PTPRJ: variants seen among roughly 807,000 people sequenced by gnomAD.
The protein encoded by PTPRJ is receptor-type tyrosine-protein phosphatase eta.
A neutral mutation model predicts 141.3 loss-of-function variants in PTPRJ; 129 were observed. The observed-to-expected ratio is 0.91, with a 90% CI of 0.79 to 1.06. The LOEUF (loss-of-function observed/expected upper bound fraction) is 1.06. Ranked by LOEUF, PTPRJ falls within the 50% of genes least tolerant of loss-of-function variation. PTPRJ has a pLI of 0.00. For synonymous variants in PTPRJ, 610 were observed against 640.5 expected (o/e 0.95, Z 0.72); for missense variants, 1,601 against 1,679.7 (o/e 0.95, Z 0.82).
chr11:48,083,538 A>G (rs1167881819), intron 1 of PTPRJ, among the ~76,000 whole-genome samples: 1 of 152,256 alleles, frequency 6.6e-6, no homozygotes, highest in Non-Finnish European at 1.5e-5. Context: ...CACATCCCAC[A>G]TGTGCAAATG....
intron 21 of PTPRJ, among the ~76,000 whole-genome samples, chr11:48,159,376 G>T (rs1857705980): frequency 6.6e-6 from 1 of 152,134 alleles, no homozygotes; most frequent in Non-Finnish European, 1.5e-5. Context: ...GGGGTTATGG[G>T]AGAAGATGAG....
intron 8 of PTPRJ, chr11:48,132,247 A>AT (rs1856997327): frequency 1.0e-6 from 1 of 985,282 alleles, no homozygotes; most frequent in East Asian, 1.1e-4. Context: ...TGATAAAATC[A>AT]TTTTATAGTC....
At chr11:48,157,806 C>A (rs574848128) in intron 21 of PTPRJ, among the ~76,000 whole-genome samples, 133 of 152,264 alleles carry the variant, frequency 8.7e-4, no homozygotes, top group Admixed American at 6.4e-3. Flanking sequence ...GCTCCTTACC[C>A]TCTTGTTGAA....
intron 1 of PTPRJ, among the ~76,000 whole-genome samples, chr11:48,079,280 G>A (rs1855497753): frequency 6.6e-6 from 1 of 152,072 alleles, no homozygotes; most frequent in African/African-American, 2.4e-5. Flanking sequence ...TGGTTTAGAG[G>A]CGGATGCAGT....
At chr11:48,135,391 G>C (rs1013937575) in intron 8 of PTPRJ, among the ~76,000 whole-genome samples, 5 of 151,308 alleles carry the variant, frequency 3.3e-5, no homozygotes, top group African/African-American at 9.7e-5. Context: ...TGGTCAGGCT[G>C]GTCTCAAACT....
chr11:48,062,071 A>AT lies in PTPRJ; in HGVS notation c.97-47973dup, dbSNP rs915346609. Among the ~76,000 whole-genome samples, 1,288 of 141,808 alleles carry AT rather than the reference A, an allele frequency of 9.1e-3. 17 individuals carry two copies. Among genetic ancestry groups the AT allele is most frequent in the African/African-American group, 0.028 (1,081 of 38,932 alleles). The allele number at this position is 141,808 out of a possible 152,430, so 93.0% of individuals were successfully genotyped here. A position where few individuals can be genotyped will look rare whatever the true frequency, so the allele number is the denominator to read the frequency against. On this transcript the variant is annotated intron_variant, in intron 1 of 24. Coordinates refer to ENST00000418331, the MANE Select transcript of PTPRJ (RefSeq NM_002843.4). The stretch of plus-strand genomic sequence containing the variant: ...AGACATACACCACCATGCCTGGCTA[A>AT]TTTTTTTTTTTTTTGGTGGGTTTTG...
At chr11:48,004,513 C>T (rs1854576608) in intron 1 of PTPRJ, among the ~76,000 whole-genome samples, 1 of 152,110 alleles carries the variant, frequency 6.6e-6, no homozygotes, top group Non-Finnish European at 1.5e-5. Context: ...AAGGAGGCTC[C>T]AGCTTAGTTG....
At chr11:48,001,396 G>GTGTGTGTGTGTGTGTGTGTGT (rs1555025690) in intron 1 of PTPRJ, among the ~76,000 whole-genome samples, 1 of 148,962 alleles carries the variant, frequency 6.7e-6, no homozygotes, top group African/African-American at 2.5e-5. Context: ...GTGTGTGTTT[G>GTGTGTGTGTGTGTGTGTGTGT]GGGTGGGGAT....
chr11:48,102,203 A>G (rs1267408535), intron 1 of PTPRJ, among the ~76,000 whole-genome samples: 4 of 152,144 alleles, frequency 2.6e-5, no homozygotes, highest in Non-Finnish European at 5.9e-5. Context: ...GAGAAAATCA[A>G]CATCGTGGGG....
At chr11:48,151,099 T>C (rs1045906766) in intron 18 of PTPRJ, among the ~76,000 whole-genome samples, 2 of 152,138 alleles carry the variant, frequency 1.3e-5, no homozygotes, top group African/African-American at 4.8e-5. Context: ...TATTCTAACC[T>C]TTGTATTAGT....
chr11:48,101,983 G>T (rs1292989592), intron 1 of PTPRJ, among the ~76,000 whole-genome samples: 1 of 152,076 alleles, frequency 6.6e-6, no homozygotes, highest in East Asian at 1.9e-4. Flanking sequence ...CACCTGACAT[G>T]GGCCAGAAAT....
At chr11:48,001,935 CTGTT>C (rs137879683) in intron 1 of PTPRJ, among the ~76,000 whole-genome samples, 94 of 152,222 alleles carry the variant, frequency 6.2e-4, no homozygotes, top group African/African-American at 2.2e-3. Flanking sequence ...AGTTTTCTGA[CTGTT>C]TTGTTGTTCA....
At position 48,153,822 on chromosome 11, in the gene PTPRJ, A is replaced by G. The variant is rs749082286; in HGVS notation, c.3165A>G (p.Gln1055=). The part of the protein sequence containing the change: ...YEDLKLVGIS[Q]PKYAAELAEN... Reference sequence around the variant, plus strand: ...ATCTGAAGCTTGTTGGAATTAGTCAACCTAAATATGCAGCAGAACTGGCTG... The same window carrying G: ...ATCTGAAGCTTGTTGGAATTAGTCAGCCTAAATATGCAGCAGAACTGGCTG... The change falls in exon 19 of 25, where the codon CAA becomes CAG. Residue 1055 remains glutamine, a synonymous_variant. Coordinates refer to ENST00000418331, the MANE Select transcript of PTPRJ (RefSeq NM_002843.4). 2 of 1,613,590 alleles carry G rather than the reference A, an allele frequency of 1.2e-6. No individual in the cohort carries two copies. The highest frequency in any genetic ancestry group is 1.1e-5 in the South Asian group (1 of 91,076).
At chr11:48,099,805 T>C (rs1856107907) in intron 1 of PTPRJ, among the ~76,000 whole-genome samples, 2 of 152,178 alleles carry the variant, frequency 1.3e-5, no homozygotes, top group African/African-American at 4.8e-5. Flanking sequence ...TGTTTTGCCT[T>C]TGCTGATGGT....
chr11:48,019,221 G>A (rs1249784505), intron 1 of PTPRJ, among the ~76,000 whole-genome samples: 1 of 152,104 alleles, frequency 6.6e-6, no homozygotes, highest in Non-Finnish European at 1.5e-5. Context: ...GGGGCTGGGC[G>A]GGCACTTGGC....
chr11:48,140,473 C>G (rs559618245), intron 11 of PTPRJ, among the ~76,000 whole-genome samples: 1 of 152,270 alleles, frequency 6.6e-6, no homozygotes, highest in Non-Finnish European at 1.5e-5. Context: ...GGTGGGTGAG[C>G]TAGCATGCTG....
chr11:48,092,062 A>G (rs548614633), intron 1 of PTPRJ, among the ~76,000 whole-genome samples: 14 of 151,946 alleles, frequency 9.2e-5, no homozygotes, highest in Non-Finnish European at 1.2e-4. Flanking sequence ...TTGGGAGGCC[A>G]AGGCAGGCAG....
chr11:48,155,431 A>C (rs1351240732), intron 19 of PTPRJ, among the ~76,000 whole-genome samples: 1 of 152,204 alleles, frequency 6.6e-6, no homozygotes, highest in Non-Finnish European at 1.5e-5. Context: ...TTTGAGGAGT[A>C]AATAAAATTG....
intron 1 of PTPRJ, among the ~76,000 whole-genome samples, chr11:48,080,750 CA>C (rs1486876210): frequency 4.6e-5 from 7 of 152,228 alleles, no homozygotes; most frequent in Admixed American, 2.0e-4. Flanking sequence ...CTGCCCCTGA[CA>C]CCCCGGCAGG....
Sources: gnomAD v4.1 joint callset for allele counts (sites outside exome capture counted in the v4.1 genomes callset) on GRCh38, gnomAD v4.1.1 for gene constraint, MANE v1.5 for transcripts, NCBI Gene and HGNC (gene_info 2026-07-23, HGNC 2026-07-21) for gene names.